AK5: variants seen among roughly 807,000 people sequenced by gnomAD.
The protein encoded by AK5 is adenylate kinase isoenzyme 5.
A neutral mutation model predicts 69.5 loss-of-function variants in AK5; 27 were observed. The ratio of observed to expected loss-of-function variants is 0.39; its 90% CI spans 0.29 to 0.54. AK5 has a LOEUF of 0.54. Ranked by LOEUF, AK5 falls within the 20% of genes least tolerant of loss-of-function variation. The pLI, the probability that AK5 is intolerant of heterozygous loss-of-function variation, is 0.71. For missense variants in AK5, 531 were observed against 700.4 expected, an observed-to-expected ratio of 0.76 and a Z score of 2.73; for synonymous variants, 260 against 244.4, an observed-to-expected ratio of 1.06 and a Z score of -0.60.
At chr1:77,342,324 T>A (rs1315653833) in intron 6 of AK5, among the ~76,000 whole-genome samples, 1 of 152,138 alleles carries the variant, frequency 6.6e-6, no homozygotes, top group Non-Finnish European at 1.5e-5. Flanking sequence ...GTTACCAGAG[T>A]GTCTCTGATT....
chr1:77,456,636 T>G (rs900432637), intron 8 of AK5, among the ~76,000 whole-genome samples: 7 of 152,176 alleles, frequency 4.6e-5, no homozygotes, highest in African/African-American at 1.7e-4. Context: ...TGTCCCAGCT[T>G]ACCTGGTAAA....
rs975515087 is a variant in AK5 at position 77,440,955 on chromosome 1, G to A, written c.1059+23240G>A. Among the ~76,000 whole-genome samples, 4 of 152,184 alleles carry A rather than the reference G, an allele frequency of 2.6e-5. No homozygotes were observed. In the East Asian group the frequency reaches 7.7e-4, roughly 29 times the overall value. On this transcript the variant is annotated intron_variant, in intron 8 of 13. Transcript: ENST00000354567. ...GTAGAGACGGGGTTTCGCCATGTTG[G>A]CCAGGCTGGTCTCCAACTCCTGACC...
Position 77,558,618 on chromosome 1 carries a change from C to T in AK5, c.1637C>T (p.Thr546Ile). 6.3e-7 allele frequency: 1 copy of T among 1,597,804 alleles called. No homozygotes were observed. Among genetic ancestry groups the T allele is most frequent in the East Asian group, 2.2e-5 (1 of 44,698 alleles). Reference protein sequence around the residue: ...TQLHKINAEGTPEDVFLQLCT... With the variant: ...TQLHKINAEGIPEDVFLQLCT... ...TAAATATAGATAAATGCAGAGGGAA[C>T]ACCAGAGGACGTTTTTCTTCAACTC... Residue 546 changes from threonine (T) to isoleucine (I), a missense_variant, in exon 14 of 14, where the codon ACA (threonine) becomes ATA (isoleucine). Thr to Ile is a moderately conservative substitution (Grantham distance 89, BLOSUM62 -1). Transcript: ENST00000354567.
At chr1:77,552,579 G>A (rs899387173) in intron 13 of AK5, among the ~76,000 whole-genome samples, 4 of 152,184 alleles carry the variant, frequency 2.6e-5, no homozygotes, top group East Asian at 3.8e-4. Context: ...AAGGCAGAAG[G>A]TAATAGAGTG....
At chr1:77,551,414 A>G (rs553949311) in intron 13 of AK5, among the ~76,000 whole-genome samples, 1 of 152,106 alleles carries the variant, frequency 6.6e-6, no homozygotes, top group African/African-American at 2.4e-5. Flanking sequence ...CTTTAAACCT[A>G]CCCATATCTT....
chr1:77,296,941 T>G (rs1384083529), intron 3 of AK5, among the ~76,000 whole-genome samples: 1 of 152,200 alleles, frequency 6.6e-6, no homozygotes, highest in Non-Finnish European at 1.5e-5. Flanking sequence ...GAAAATGAGT[T>G]CACTGTAGGT....
At chr1:77,537,670 T>G (rs1437150854) in intron 13 of AK5, among the ~76,000 whole-genome samples, 1 of 152,214 alleles carries the variant, frequency 6.6e-6, no homozygotes, top group Non-Finnish European at 1.5e-5. Context: ...CAAACTTGTC[T>G]CTGAGGAAGC....
At chr1:77,450,719 A>C (rs1653090335) in intron 8 of AK5, among the ~76,000 whole-genome samples, 1 of 152,220 alleles carries the variant, frequency 6.6e-6, no homozygotes, top group Admixed American at 6.5e-5. Flanking sequence ...TCATATTTGC[A>C]ATCATGTAAG....
intron 6 of AK5, among the ~76,000 whole-genome samples, chr1:77,394,664 A>G (rs1368769224): frequency 6.6e-6 from 1 of 152,156 alleles, no homozygotes; most frequent in African/African-American, 2.4e-5. Flanking sequence ...AATTAATATA[A>G]ATGGCCACAC....
chr1:77,476,292 C>T (rs1654932185), intron 8 of AK5, among the ~76,000 whole-genome samples: 1 of 152,120 alleles, frequency 6.6e-6, no homozygotes, highest in Non-Finnish European at 1.5e-5. Context: ...TTTCAAATTG[C>T]CCATTACTTT....
At chr1:77,404,294 A>C (rs952887307) in intron 6 of AK5, among the ~76,000 whole-genome samples, 1 of 152,162 alleles carries the variant, frequency 6.6e-6, no homozygotes, top group African/African-American at 2.4e-5. Context: ...TAGGATATTT[A>C]GCAGCATCCC....
intron 12 of AK5, among the ~76,000 whole-genome samples, chr1:77,526,404 A>G: frequency 6.6e-6 from 1 of 150,560 alleles, no homozygotes; most frequent in East Asian, 2.0e-4. Context: ...GAGCTCTGAG[A>G]GACCCTCCAG....
At chr1:77,557,976 A>C (rs1465567587) in intron 13 of AK5, among the ~76,000 whole-genome samples, 1 of 151,126 alleles carries the variant, frequency 6.6e-6, no homozygotes, top group African/African-American at 2.4e-5. Flanking sequence ...ATGTCATATA[A>C]TTGGAACCAT....
chr1:77,367,598 TAA>T (rs1491294478), intron 6 of AK5, among the ~76,000 whole-genome samples: 1,505 of 82,306 alleles, frequency 0.018, 86 homozygotes, highest in South Asian at 0.042. Flanking sequence ...GTTATATATG[TAA>T]TATATATGTA....
intron 6 of AK5, among the ~76,000 whole-genome samples, chr1:77,361,220 T>C (rs1378757293): frequency 6.6e-6 from 1 of 152,214 alleles, no homozygotes; most frequent in Admixed American, 6.5e-5. Flanking sequence ...CTAAATTCCT[T>C]TACTACTTAA....
chr1:77,428,672 A>G (rs1651378696), intron 8 of AK5, among the ~76,000 whole-genome samples: 1 of 152,070 alleles, frequency 6.6e-6, no homozygotes. Flanking sequence ...TTACGTATGT[A>G]TACATGTGCC....
At chr1:77,348,520 T>A (rs187625880) in intron 6 of AK5, among the ~76,000 whole-genome samples, 1 of 152,128 alleles carries the variant, frequency 6.6e-6, no homozygotes, top group Admixed American at 6.5e-5. Flanking sequence ...AAAAAAAAAA[T>A]TCTGATTCCA....
intron 10 of AK5, among the ~76,000 whole-genome samples, chr1:77,488,020 GACCA>G (rs1655709658): frequency 6.6e-6 from 1 of 152,206 alleles, no homozygotes; most frequent in Non-Finnish European, 1.5e-5. Context: ...TAGAGAGGGT[GACCA>G]GGGAAGGCTT....
chr1:77,320,741 ACT>A (rs750261970), intron 5 of AK5, among the ~76,000 whole-genome samples: 2 of 152,090 alleles, frequency 1.3e-5, no homozygotes, highest in East Asian at 3.9e-4. Context: ...GACAAGCAAG[ACT>A]CTGTCTAAAA....
Sources: allele counts gnomAD v4.1 joint callset (sites outside exome capture counted in the v4.1 genomes callset), GRCh38; gene constraint gnomAD v4.1.1; transcripts MANE v1.5; gene names NCBI Gene and HGNC (gene_info 2026-07-23, HGNC 2026-07-21).